Variants in GET3 observed in about 807,000 individuals in gnomAD.
The protein encoded by GET3 is guided entry of tail-anchored proteins factor 3, ATPase.
A neutral mutation model predicts 32.4 loss-of-function variants in GET3; 15 were observed. The ratio of observed to expected loss-of-function variants is 0.46; its 90% CI spans 0.31 to 0.71. GET3 has a LOEUF of 0.71. Among genes scored for constraint, GET3 ranks in the 30% least tolerant of loss-of-function variants. GET3 has a pLI of 0.05. For synonymous variants in GET3, 198 were observed against 185.6 expected (o/e 1.07, Z -0.54); for missense variants, 333 against 459.0 (o/e 0.73, Z 2.51).
chr19:12,745,774 C>A lies in GET3; in HGVS notation c.609+15C>A. Reference sequence around the variant, plus strand: ...TCATCTCACAGGCAGGCGGCGGGGGCCCCCACCTGCACCATCCAGGCAGCC... The same window carrying A: ...TCATCTCACAGGCAGGCGGCGGGGGACCCCACCTGCACCATCCAGGCAGCC... On this transcript the variant is annotated intron_variant, in intron 4 of 6. Transcript: ENST00000357332. This position sits in a 1 kb window ranked among gnomAD's most constrained non-coding sequence, Gnocchi z 5.0. 2 of 1,593,232 alleles carry A rather than the reference C, an allele frequency of 1.3e-6. No homozygotes were observed. Among genetic ancestry groups the A allele is most frequent in the South Asian group, 2.3e-5 (2 of 88,772 alleles).
intron 2 of GET3, among the ~76,000 whole-genome samples, chr19:12,742,247 T>C (rs1384483766): frequency 1.3e-5 from 2 of 151,240 alleles, no homozygotes; most frequent in Non-Finnish European, 2.9e-5. Flanking sequence ...TTTTTTTTTT[T>C]TTGAGACTGA....
At position 12,745,009 on chromosome 19, in the gene GET3, T is replaced by G. The variant is rs992173973; in HGVS notation, c.310-368T>G. 2.0e-5 allele frequency among the ~76,000 whole-genome samples: 3 copies of G among 151,784 alleles called. No individual in the cohort carries two copies. The highest frequency in any genetic ancestry group is 7.3e-5 in the African/African-American group (3 of 41,290). ...TTAGGGTGGTCAGGGAGTCTCTCAG[T>G]GGAGGGATGATGATCCGGAAGAGGT... On this transcript the variant is annotated intron_variant, in intron 2 of 6. Transcript: ENST00000357332. The surrounding 1 kb of genome is among the most constrained non-coding windows in gnomAD (Gnocchi z 5.0).
chr19:12,739,531 A>G lies in GET3; in HGVS notation c.309+873A>G, dbSNP rs934502422. ...TGAGAAAAAGAAATGAATTGATTAC[A>G]TGTCTTTCTTGTCTCTCTGAGCAGC... is the stretch of plus-strand genomic sequence containing the variant. On this transcript the variant is annotated intron_variant, in intron 2 of 6. Transcript: ENST00000357332. Among the ~76,000 whole-genome samples, 5 of 152,344 alleles carry G rather than the reference A, an allele frequency of 3.3e-5. No homozygotes were observed. In the East Asian group the frequency reaches 7.7e-4, roughly 23 times the overall value.
intron 2 of GET3, among the ~76,000 whole-genome samples, chr19:12,740,512 T>C (rs935786847): frequency 5.4e-5 from 8 of 149,524 alleles, no homozygotes; most frequent in African/African-American, 2.5e-5. Context: ...TCATCTCTAC[T>C]AAAAATACAA....
intron 2 of GET3, 104 bp downstream of exon 2, chr19:12,738,762 G>A (rs998217250): frequency 1.4e-6 from 2 of 1,407,480 alleles, no homozygotes; most frequent in African/African-American, 1.4e-5. Flanking sequence ...TCTATATCCT[G>A]TGTCTCTCGT....
At position 12,745,466 on chromosome 19, in the gene GET3, G is replaced by C. The variant is rs751344189; in HGVS notation, c.399G>C (p.Gln133His). Residue 133 changes from glutamine to histidine, a missense_variant, in exon 3 of 7, where the codon CAG becomes CAC. Gln to His is a conservative substitution (Grantham distance 24). Transcript: ENST00000357332. This position sits in a 1 kb window ranked among gnomAD's most constrained non-coding sequence, Gnocchi z 5.0. ...NMLSMGKKMMQEAMSAFPGID... is the reference protein window; with the variant it reads ...NMLSMGKKMMHEAMSAFPGID... ...TGAGCATGGGCAAGAAGATGATGCA[G>C]GAGGCCATGAGCGCATTTCCCGGCA... The C allele has an allele frequency of 3.3e-5, 54 of 1,613,162 alleles. No homozygotes were observed. Among genetic ancestry groups the C allele is most frequent in the Non-Finnish European group, 4.4e-5 (52 of 1,180,014 alleles).
chr19:12,741,271 AGG>A (rs1967663641), intron 2 of GET3, among the ~76,000 whole-genome samples: 1 of 151,522 alleles, frequency 6.6e-6, no homozygotes, highest in Non-Finnish European at 1.5e-5. Context: ...CCTGGCTAAC[AGG>A]GTGAAACCCC....
At chr19:12,746,083 G>A (rs983266055) in intron 4 of GET3, among the ~76,000 whole-genome samples, 9 of 152,130 alleles carry the variant, frequency 5.9e-5, no homozygotes, top group Admixed American at 2.0e-4. Flanking sequence ...ACCTCTCTGG[G>A]CCTCACCTTC....
At chr19:12,738,412 TC>T in intron 1 of GET3, 98 bp from the exon 2 acceptor site, 1 of 1,485,738 alleles carries the variant, frequency 6.7e-7, no homozygotes, top group Non-Finnish European at 9.2e-7. Context: ...CCCTGCTGAT[TC>T]GGGTCACCTG....
chr19:12,747,922 C>A lies in GET3; in HGVS notation c.916-51C>A. 1 of 1,525,778 alleles carries A rather than the reference C, an allele frequency of 6.6e-7. No individual in the cohort carries two copies. The highest frequency in any genetic ancestry group is 8.9e-7 in the Non-Finnish European group (1 of 1,126,196). The allele number at this position is 1,525,778 out of a possible 1,614,324, so 94.5% of individuals were successfully genotyped here. ...GCTTCTATTGATCCACACTCTGTCT[C>A]TGCCTTCCTGCCCCCTGACCACTGC... On this transcript the variant is annotated intron_variant, in intron 6 of 6. Coordinates refer to ENST00000357332, the MANE Select transcript of GET3 (RefSeq NM_004317.4). This position sits in a 1 kb window ranked among gnomAD's most constrained non-coding sequence, Gnocchi z 4.0.
intron 1 of GET3, among the ~76,000 whole-genome samples, chr19:12,737,962 A>G (rs1967604238): frequency 6.6e-6 from 1 of 152,162 alleles, no homozygotes; most frequent in Non-Finnish European, 1.5e-5. Context: ...GAGTGAATCC[A>G]GAGTTGTGGG....
intron 2 of GET3, among the ~76,000 whole-genome samples, chr19:12,741,097 G>T (rs947671976): frequency 1.3e-5 from 2 of 152,176 alleles, no homozygotes; most frequent in African/African-American, 4.8e-5. Flanking sequence ...GCTGAGGCAG[G>T]TGGATCAGAA....
chr19:12,740,464 C>T (rs1268819572), intron 2 of GET3, among the ~76,000 whole-genome samples: 2 of 151,902 alleles, frequency 1.3e-5, no homozygotes, highest in Non-Finnish European at 2.9e-5. Context: ...ATCACAAGGT[C>T]AAGAGACTGA....
intron 2 of GET3, among the ~76,000 whole-genome samples, chr19:12,740,084 C>CAA (rs893347627): frequency 7.3e-6 from 1 of 136,730 alleles, no homozygotes; most frequent in Non-Finnish European, 1.6e-5. Flanking sequence ...TCTCACGTCT[C>CAA]AAAAAAAAAA....
chr19:12,738,310 C>G (rs1300750598), intron 1 of GET3, among the ~76,000 whole-genome samples: 1 of 152,088 alleles, frequency 6.6e-6, no homozygotes, highest in African/African-American at 2.4e-5. Context: ...CCTCTCTAGT[C>G]CACATAGAGG....
rs890737010 is a variant in GET3 at position 12,747,954 on chromosome 19, C to T, written c.916-19C>T. The T allele has an allele frequency of 3.2e-6, 5 of 1,579,502 alleles. No individual in the cohort carries two copies. The highest frequency in any genetic ancestry group is 4.3e-6 in the Non-Finnish European group (5 of 1,158,366). Reference sequence around the variant, plus strand: ...CCTGCCCCCTGACCACTGCCTTCTACCCTCTGCCCTGGCTGCAGATGGAGG... The same window carrying T: ...CCTGCCCCCTGACCACTGCCTTCTATCCTCTGCCCTGGCTGCAGATGGAGG... On this transcript the variant is annotated intron_variant, in intron 6 of 6. Transcript: ENST00000357332. The surrounding 1 kb of genome is among the most constrained non-coding windows in gnomAD (Gnocchi z 4.0).
At chr19:12,740,038 C>T (rs956011000) in intron 2 of GET3, among the ~76,000 whole-genome samples, 10 of 151,592 alleles carry the variant, frequency 6.6e-5, no homozygotes, top group African/African-American at 2.4e-4. Context: ...CCACCATGCC[C>T]GGCTAATTTT....
At chr19:12,737,944 C>G (rs1020614589) in intron 1 of GET3, among the ~76,000 whole-genome samples, 1 of 152,154 alleles carries the variant, frequency 6.6e-6, no homozygotes, top group Non-Finnish European at 1.5e-5. Context: ...ATCAGCTGGA[C>G]CGTACCTGAG....
At chr19:12,738,046 T>G (rs886519859) in intron 1 of GET3, among the ~76,000 whole-genome samples, 5 of 151,634 alleles carry the variant, frequency 3.3e-5, no homozygotes, top group Non-Finnish European at 5.9e-5. Context: ...AGAGTGAGGG[T>G]GGAAAGCGAG....
Sources: allele counts gnomAD v4.1 joint callset (sites outside exome capture counted in the v4.1 genomes callset), GRCh38; gene constraint gnomAD v4.1.1; non-coding constraint Gnocchi (gnomAD v3.1); transcripts MANE v1.5; gene names NCBI Gene and HGNC (gene_info 2026-07-23, HGNC 2026-07-21).